MDGA2: variants seen among roughly 807,000 people sequenced by gnomAD.
The protein encoded by MDGA2 is MAM domain-containing glycosylphosphatidylinositol anchor protein 2.
A neutral mutation model predicts 117.8 loss-of-function variants in MDGA2; 40 were observed. The observed-to-expected ratio is 0.34, with a 90% CI of 0.26 to 0.44. The LOEUF (loss-of-function observed/expected upper bound fraction) is 0.44, where lower values mean the gene tolerates loss of function less well. MDGA2 is among the 20% of genes least tolerant of loss of function. The pLI is 1.00. For synonymous variants in MDGA2, 452 were observed against 439.0 expected (o/e 1.03, Z -0.37); for missense variants, 1,123 against 1,250.6 (o/e 0.90, Z 1.54).
intron 2 of MDGA2, among the ~76,000 whole-genome samples, chr14:47,251,321 C>T (rs1184402087): frequency 6.6e-6 from 1 of 152,200 alleles, no homozygotes; most frequent in Non-Finnish European, 1.5e-5. Flanking sequence ...ATTCAGATCT[C>T]AGCAAGATAA....
Position 47,495,975 on chromosome 14 carries a change from T to C in MDGA2, c.280+178542A>G, listed in dbSNP as rs982402098. Among the ~76,000 whole-genome samples, 22 of 152,196 alleles carry C rather than the reference T, an allele frequency of 1.4e-4. No homozygotes were observed. In the East Asian group the frequency reaches 2.3e-3, roughly 16 times the overall value. On this transcript the variant is annotated intron_variant, in intron 1 of 16. Coordinates refer to ENST00000399232, the MANE Select transcript of MDGA2 (RefSeq NM_001113498.3). Reference sequence around the variant, plus strand: ...AATTTTATTTTAATTTCTTTGAAAATTAGTGAGATTGAATTTTTTTCAAAG... The same window carrying C: ...AATTTTATTTTAATTTCTTTGAAAACTAGTGAGATTGAATTTTTTTCAAAG...
intron 1 of MDGA2, among the ~76,000 whole-genome samples, chr14:47,662,814 T>C (rs76591728): frequency 0.042 from 6,368 of 152,256 alleles, 124 homozygotes; most frequent in Middle Eastern, 0.068. Context: ...AATGATGTCA[T>C]TATGGAGTTT....
rs574130331 is a variant in MDGA2, at chr14:47,224,985, A to G, written c.421-6790T>C. ...AATTTTTAATAAATTGTATCAGTCT[A>G]CAATAATTATAGCAATATGTCACAC... On this transcript the variant is annotated intron_variant, in intron 2 of 16. Transcript: ENST00000399232. 2.2e-3 allele frequency among the ~76,000 whole-genome samples: 328 copies of G among 152,354 alleles called. 12 individuals carry two copies. The South Asian group carries it at 0.063, about 29-fold the overall frequency.
chr14:47,243,836 G>A (rs1025010399), intron 2 of MDGA2, among the ~76,000 whole-genome samples: 6 of 151,826 alleles, frequency 4.0e-5, no homozygotes, highest in Admixed American at 2.6e-4. Flanking sequence ...ATTTTAAGTG[G>A]CGACTGGCAA....
chr14:47,304,113 G>A (rs992275237), intron 1 of MDGA2, among the ~76,000 whole-genome samples: 1 of 152,096 alleles, frequency 6.6e-6, no homozygotes, highest in Non-Finnish European at 1.5e-5. Flanking sequence ...CTTCCTTTTA[G>A]TATTCATCAA....
At position 46,845,895 on chromosome 14, in the gene MDGA2, C is replaced by A. The variant is rs1431003886; in HGVS notation, c.2884-24G>T. On this transcript the variant is annotated intron_variant, in intron 15 of 16. Transcript: ENST00000399232. ...AGCTACAAATATGAATGAAACAAACCTAAATGTGGAGCTTTGATTTGCAGA... is the reference window on the plus strand; with the variant it reads ...AGCTACAAATATGAATGAAACAAACATAAATGTGGAGCTTTGATTTGCAGA... The A allele has an allele frequency of 3.3e-6, 5 of 1,534,770 alleles. No homozygotes were observed. The Admixed American group carries it at 6.8e-5, about 21-fold the overall frequency.
At chr14:47,383,061 G>C (rs1891672618) in intron 1 of MDGA2, among the ~76,000 whole-genome samples, 1 of 152,150 alleles carries the variant, frequency 6.6e-6, no homozygotes, top group Non-Finnish European at 1.5e-5. Context: ...GTAGGGACAT[G>C]GATGATGCTG....
intron 6 of MDGA2, among the ~76,000 whole-genome samples, chr14:47,062,154 C>T (rs969256867): frequency 9.2e-5 from 14 of 151,870 alleles, no homozygotes; most frequent in African/African-American, 3.4e-4. Flanking sequence ...AAAAAGAAAA[C>T]CTGGGGCAAA....
At chr14:47,614,725 TG>T (rs1896918365) in intron 1 of MDGA2, among the ~76,000 whole-genome samples, 1 of 152,194 alleles carries the variant, frequency 6.6e-6, no homozygotes, top group African/African-American at 2.4e-5. Context: ...AAATGAGAAG[TG>T]TAGCAATTTG....
intron 6 of MDGA2, among the ~76,000 whole-genome samples, chr14:47,094,020 C>A (rs1434254252): frequency 6.6e-6 from 1 of 151,978 alleles, no homozygotes; most frequent in Non-Finnish European, 1.5e-5. Flanking sequence ...AAAATAATTT[C>A]TTTGATGTAA....
intron 3 of MDGA2, among the ~76,000 whole-genome samples, chr14:47,172,064 C>A (rs189172092): frequency 6.6e-6 from 1 of 152,290 alleles, no homozygotes; most frequent in East Asian, 1.9e-4. Context: ...GGTCTGAGAT[C>A]AAACTGCAAG....
At chr14:47,083,186 T>C (rs953861071) in intron 6 of MDGA2, among the ~76,000 whole-genome samples, 1 of 151,990 alleles carries the variant, frequency 6.6e-6, no homozygotes, top group Non-Finnish European at 1.5e-5. Flanking sequence ...GCCCAAGATT[T>C]TCTAAAACTT....
chr14:47,610,594 C>T (rs1175377974), intron 1 of MDGA2, among the ~76,000 whole-genome samples: 5 of 151,696 alleles, frequency 3.3e-5, no homozygotes, highest in Admixed American at 2.0e-4. Flanking sequence ...ACAACAACAA[C>T]AACAACAAAA....
chr14:47,067,069 C>G (rs546149147), intron 6 of MDGA2, among the ~76,000 whole-genome samples: 1 of 152,184 alleles, frequency 6.6e-6, no homozygotes, highest in Non-Finnish European at 1.5e-5. Context: ...GAGCCAAGAT[C>G]AGGCCACTGC....
chr14:47,656,138 A>C (rs1361433977), intron 1 of MDGA2, among the ~76,000 whole-genome samples: 1 of 152,206 alleles, frequency 6.6e-6, no homozygotes, highest in Non-Finnish European at 1.5e-5. Context: ...TGTCCATTAT[A>C]ACTAGGTTTT....
intron 4 of MDGA2, among the ~76,000 whole-genome samples, chr14:47,135,655 C>A (rs1366247150): frequency 1.3e-5 from 2 of 151,902 alleles, no homozygotes; most frequent in African/African-American, 2.4e-5. Context: ...GGCTAGAAAA[C>A]CTTGAATTGT....
intron 1 of MDGA2, among the ~76,000 whole-genome samples, chr14:47,431,818 G>T (rs1892805156): frequency 6.6e-6 from 1 of 152,000 alleles, no homozygotes; most frequent in African/African-American, 2.4e-5. Flanking sequence ...TTAAATGGCA[G>T]TTCATGCTAT....
intron 1 of MDGA2, among the ~76,000 whole-genome samples, chr14:47,658,956 C>A (rs1354205668): frequency 6.6e-6 from 1 of 152,174 alleles, no homozygotes; most frequent in Non-Finnish European, 1.5e-5. Context: ...TCTTCCCAGG[C>A]TCCCTTCTTC....
chr14:47,233,126 A>C (rs1188297042), intron 2 of MDGA2, among the ~76,000 whole-genome samples: 1 of 152,134 alleles, frequency 6.6e-6, no homozygotes, highest in Non-Finnish European at 1.5e-5. Context: ...TAAAACTAAA[A>C]GTTTACTGCT....
Sources: gnomAD v4.1 joint callset for allele counts (sites outside exome capture counted in the v4.1 genomes callset) on GRCh38, gnomAD v4.1.1 for gene constraint, MANE v1.5 for transcripts, NCBI Gene and HGNC (gene_info 2026-07-23, HGNC 2026-07-21) for gene names.